CLDN18: variants seen among roughly 807,000 people sequenced by gnomAD.
The protein encoded by CLDN18 is claudin 18, also known as claudin-18.
CLDN18 carries 20 observed loss-of-function variants against 25.0 expected under a neutral mutation model. That is an observed-to-expected ratio of 0.80 (90% CI 0.56 to 1.16). The LOEUF is 1.16. Ranked by LOEUF, CLDN18 falls within the 50% of genes most tolerant of loss-of-function variation. The pLI is 0.00. For missense variants in CLDN18, 297 were observed against 345.4 expected, an observed-to-expected ratio of 0.86 and a Z score of 1.11; for synonymous variants, 125 against 135.6, an observed-to-expected ratio of 0.92 and a Z score of 0.54.
chr3:138,025,555 G>A (rs1360691248), intron 3 of CLDN18, among the ~76,000 whole-genome samples: 3 of 152,032 alleles, frequency 2.0e-5, no homozygotes, highest in Admixed American at 2.0e-4. Context: ...GGAGAGGGAG[G>A]GTGTGATAAA....
intron 4 of CLDN18, 85 bp downstream of exon 4, chr3:138,029,992 C>A: frequency 1.2e-6 from 1 of 814,956 alleles, no homozygotes; most frequent in South Asian, 1.5e-5. Context: ...AAAAAAAAAT[C>A]AGTCTAGGTA....
intron 4 of CLDN18, among the ~76,000 whole-genome samples, chr3:138,030,232 C>T (rs1214678510): frequency 1.3e-5 from 2 of 152,246 alleles, no homozygotes; most frequent in Non-Finnish European, 2.9e-5. Flanking sequence ...ACATTTTTAA[C>T]TGTTACAATT....
rs1942293285 is a variant in CLDN18 at position 138,023,595 on chromosome 3, G to A, written c.221-63G>A. 10 of 1,537,534 alleles carry A rather than the reference G, an allele frequency of 6.5e-6. No individual in the cohort carries two copies. In the South Asian group the frequency reaches 1.2e-4, roughly 18 times the overall value. ...GGTTGCTTTGTTTTATTAAACCACAGCCTAATCAAGTGTGCTGAGTTGGTC... is the reference window on the plus strand; with the variant it reads ...GGTTGCTTTGTTTTATTAAACCACAACCTAATCAAGTGTGCTGAGTTGGTC... On this transcript the variant is annotated intron_variant, in intron 1 of 4. Coordinates refer to ENST00000183605, the MANE Select transcript of CLDN18 (RefSeq NM_016369.4).
intron 4 of CLDN18, 21 bp from the exon 5 acceptor site, chr3:138,030,949 G>T: frequency 6.2e-7 from 1 of 1,605,272 alleles, no homozygotes; most frequent in South Asian, 1.1e-5. Context: ...TACAATCATG[G>T]AATGTTTATT....
rs538221100 is a variant in CLDN18 at position 138,029,859 on chromosome 3, G to A, written c.566G>A (p.Gly189Asp). ...WVAGGLTLIG[G>D]VMMCIACRGL... Reference sequence around the variant, plus strand: ...GCTGGAGGCCTCACACTAATTGGGGGTGTGATGATGTGCATCGCCTGCCGG... The same window carrying A: ...GCTGGAGGCCTCACACTAATTGGGGATGTGATGATGTGCATCGCCTGCCGG... The change falls in exon 4 of 5, where the codon GGT becomes GAT. Residue 189 changes from glycine to aspartate, a missense_variant. Coordinates refer to ENST00000183605, the MANE Select transcript of CLDN18 (RefSeq NM_016369.4). The A allele has an allele frequency of 1.3e-6, 2 of 1,598,894 alleles. No individual in the cohort carries two copies. The highest frequency in any genetic ancestry group is 1.3e-5 in the African/African-American group (1 of 74,964).
At chr3:138,025,880 G>A (rs1298254954) in intron 3 of CLDN18, among the ~76,000 whole-genome samples, 6 of 152,096 alleles carry the variant, frequency 3.9e-5, no homozygotes, top group African/African-American at 7.2e-5. Context: ...GCCCAGAGGA[G>A]CCATCTACCA....
chr3:138,017,622 G>A (rs1942221702), intron 1 of CLDN18, among the ~76,000 whole-genome samples: 1 of 152,178 alleles, frequency 6.6e-6, no homozygotes, highest in Admixed American at 6.5e-5. Context: ...TGGTTTCACT[G>A]GTTGCGAAAC....
In CLDN18 at chr3:138,031,936, T is replaced by C. The variant is rs1942401611; in HGVS notation, c.*795T>C. The C allele has an allele frequency of 6.6e-6, 1 of 152,212 alleles. No individual in the cohort carries two copies. The highest frequency in any genetic ancestry group is 2.1e-4 in the South Asian group (1 of 4,824). 9.4% of individuals were successfully genotyped at this position (152,212 alleles called of 1,614,324 possible). Reference sequence around the variant, plus strand: ...TTTTAGTAAAATGATACACTATCTCTGTGAAATAGCCTCACCCCTACATGT... The same window carrying C: ...TTTTAGTAAAATGATACACTATCTCCGTGAAATAGCCTCACCCCTACATGT... On this transcript the variant is annotated 3_prime_UTR_variant, in exon 5 of 5. Coordinates refer to ENST00000183605, the MANE Select transcript of CLDN18 (RefSeq NM_016369.4).
At chr3:138,023,528 T>G (rs564735700) in intron 1 of CLDN18, 130 bp from the exon 2 acceptor site, 1 of 773,354 alleles carries the variant, frequency 1.3e-6, no homozygotes, top group South Asian at 2.0e-5. Flanking sequence ...TCACAGTTTA[T>G]GGACTTTGCT....
In CLDN18 at chr3:138,030,991, T is replaced by C; in HGVS notation, c.636T>C (p.His212=). 1.9e-6 allele frequency: 3 copies of C among 1,612,500 alleles called. No homozygotes were observed. Among genetic ancestry groups the C allele is most frequent in the Non-Finnish European group, 2.5e-6 (3 of 1,179,382 alleles). Residue 212 remains histidine (H), a synonymous_variant, in exon 5 of 5, where the codon CAT becomes CAC. Transcript: ENST00000183605. ...TCAGCTACAAAGCCGTTTCTTATCA[T>C]GCCTCAGGCCACAGTGTTGCCTACA... ...EETNYKAVSY[H]ASGHSVAYKP...
rs552016826 is a variant in CLDN18, at chr3:138,016,963, G to C, written c.220+6518G>C. ...CCCAGCTACTAGGGAAGCTGAGACA[G>C]GAGAATTGCTTGAACCCAGGAGGCA... On this transcript the variant is annotated intron_variant, in intron 1 of 4. Coordinates refer to ENST00000183605, the MANE Select transcript of CLDN18 (RefSeq NM_016369.4). 1.4e-4 allele frequency among the ~76,000 whole-genome samples: 21 copies of C among 152,168 alleles called. No homozygotes were observed. The South Asian group carries it at 4.1e-3, about 30-fold the overall frequency.
upstream of CLDN18, among the ~76,000 whole-genome samples, chr3:138,006,737 A>G (rs1429491582): frequency 6.6e-6 from 1 of 152,260 alleles, no homozygotes; most frequent in East Asian, 1.9e-4. Context: ...AGGTGTTTTA[A>G]AACACATCAG....
At position 138,031,269 on chromosome 3, in the gene CLDN18, T is replaced by A. The variant is rs1942392436; in HGVS notation, c.*128T>A. 20 of 815,474 alleles carry A rather than the reference T, an allele frequency of 2.5e-5. No individual in the cohort carries two copies. In the South Asian group the frequency reaches 3.9e-4, roughly 16 times the overall value. The allele number at this position is 815,474 out of a possible 1,614,324, so 50.5% of individuals were successfully genotyped here. ...GGAAGTTAGAAAAGCCTCGATTTCA[T>A]CTTTGGAGAGGCCAAATGGTCTTAG... On this transcript the variant is annotated 3_prime_UTR_variant, in exon 5 of 5. Transcript: ENST00000183605.
upstream of CLDN18, among the ~76,000 whole-genome samples, chr3:138,006,501 A>C (rs1942071000): frequency 6.6e-6 from 1 of 152,222 alleles, no homozygotes; most frequent in Admixed American, 6.5e-5. Context: ...GCTCCATTTT[A>C]AAGGTGATTA....
chr3:138,006,813 T>C (rs1034048316), upstream of CLDN18, among the ~76,000 whole-genome samples: 1 of 152,224 alleles, frequency 6.6e-6, no homozygotes, highest in Non-Finnish European at 1.5e-5. Flanking sequence ...GTATTCTGCC[T>C]AGGTAGAGAT....
intron 1 of CLDN18, among the ~76,000 whole-genome samples, chr3:138,000,297 C>G (rs1942002375): frequency 6.6e-6 from 1 of 152,118 alleles, no homozygotes. Context: ...TGCAAGACTC[C>G]ATCAAGGTAG....
chr3:138,021,369 T>C (rs992842012), intron 1 of CLDN18, among the ~76,000 whole-genome samples: 1 of 152,220 alleles, frequency 6.6e-6, no homozygotes, highest in Admixed American at 6.5e-5. Context: ...CTCCTTTGAA[T>C]GTACCCCACA....
rs1453919042 is a variant in CLDN18, at chr3:138,031,661, C to T, written c.*520C>T. ...AATAAGAGAAAGATATTTGTAATCT[C>T]TCCAGCCCATGATCTCGGTTTTCTT... On this transcript the variant is annotated 3_prime_UTR_variant, in exon 5 of 5. Transcript: ENST00000183605. 1 of 152,238 alleles carries T rather than the reference C, an allele frequency of 6.6e-6. No individual in the cohort carries two copies. Among genetic ancestry groups the T allele is most frequent in the Non-Finnish European group, 1.5e-5 (1 of 68,058 alleles). The allele number at this position is 152,238 out of a possible 1,614,324, so 9.4% of individuals were successfully genotyped here. A position where few individuals can be genotyped will look rare whatever the true frequency, so the allele number is the denominator to read the frequency against.
intron 1 of CLDN18, among the ~76,000 whole-genome samples, chr3:138,018,108 T>C (rs1942229831): frequency 6.6e-6 from 1 of 152,160 alleles, no homozygotes; most frequent in African/African-American, 2.4e-5. Context: ...CCTTAGAGGA[T>C]GTCTTAGATG....
Sources: gnomAD v4.1 joint callset for allele counts (sites outside exome capture counted in the v4.1 genomes callset) on GRCh38, gnomAD v4.1.1 for gene constraint, MANE v1.5 for transcripts, NCBI Gene and HGNC (gene_info 2026-07-23, HGNC 2026-07-21) for gene names.